The following USP24 variants were observed in gnomAD, a reference collection of about 807,000 sequenced individuals.
USP24 encodes the protein ubiquitin carboxyl-terminal hydrolase 24.
A neutral mutation model predicts 361.6 loss-of-function variants in USP24; 97 were observed. The ratio of observed to expected loss-of-function variants is 0.27; its 90% CI spans 0.23 to 0.32. The LOEUF (loss-of-function observed/expected upper bound fraction) is 0.32, where lower values mean the gene tolerates loss of function less well. Ranked by LOEUF, USP24 falls within the 10% of genes least tolerant of loss-of-function variation. The pLI, the probability that USP24 is intolerant of heterozygous loss-of-function variation, is 1.00. For synonymous variants in USP24, 1,098 were observed against 1,124.6 expected, an observed-to-expected ratio of 0.98 and a Z score of 0.47; for missense variants, 2,353 against 3,165.6, an observed-to-expected ratio of 0.74 and a Z score of 6.16.
chr1:55,196,411 G>A (rs894570920), intron 1 of USP24, among the ~76,000 whole-genome samples: 3 of 152,056 alleles, frequency 2.0e-5, no homozygotes, highest in Non-Finnish European at 2.9e-5. Context: ...TATCCCCCAC[G>A]AAATTAAATA....
At position 55,083,302 on chromosome 1, in the gene USP24, G is replaced by A; in HGVS notation, c.6945C>T (p.Phe2315=). 1.2e-6 allele frequency: 2 copies of A among 1,613,776 alleles called. No homozygotes were observed. Among genetic ancestry groups the A allele is most frequent in the Non-Finnish European group, 8.5e-7 (1 of 1,179,732 alleles). The stretch of plus-strand genomic sequence containing the variant: ...TGTTTTGCCGACTGGCCCCTAGGAG[G>A]AAGCTGATCATGTGCCGCAGAGCTG... The part of the protein sequence containing the change: ...RHSALRHMIS[F]LLGASRQNNQ... The change falls in exon 58 of 68, where the codon TTC becomes TTT. Residue 2315 remains phenylalanine, a synonymous_variant. Coordinates refer to ENST00000294383, the MANE Select transcript of USP24 (RefSeq NM_015306.3).
intron 39 of USP24, among the ~76,000 whole-genome samples, chr1:55,108,965 T>C (rs368920436): frequency 1.3e-5 from 2 of 152,226 alleles, no homozygotes; most frequent in Admixed American, 6.5e-5. Flanking sequence ...TTCCACTGCA[T>C]TGCTCAGAGC....
At position 55,083,169 on chromosome 1, in the gene USP24, C is replaced by G. The variant is rs539548389; in HGVS notation, c.6975+103G>C. On this transcript the variant is annotated intron_variant, in intron 58 of 67. Transcript: ENST00000294383. ...TTTTCAAGTCTCTATGGTACTACTA[C>G]TTAGACTTTTATGAAATTAAAAACA... 4 of 1,159,092 alleles carry G rather than the reference C, an allele frequency of 3.5e-6. No individual in the cohort carries two copies. The African/African-American group carries it at 6.2e-5, about 18-fold the overall frequency. 71.8% of individuals were successfully genotyped at this position (1,159,092 alleles called of 1,614,324 possible). A position where few individuals can be genotyped will look rare whatever the true frequency, so the allele number is the denominator to read the frequency against.
Position 55,137,543 on chromosome 1 carries a change from A to G in USP24, c.3173T>C (p.Val1058Ala). Reference sequence around the variant, plus strand: ...CTCCATGGCATATGAAGAACTAAAAACCCCACTGCTGCTGCTGCTGGAGCT... The same window carrying G: ...CTCCATGGCATATGAAGAACTAAAAGCCCCACTGCTGCTGCTGCTGGAGCT... ...STSSSSSSSG[V>A]FSSSYAMEQE... is the part of the protein sequence containing the mutation. The change falls in exon 28 of 68, where the codon GTT becomes GCT. Residue 1058 changes from valine to alanine, a missense_variant. Physicochemically the swap from Val to Ala is moderately conservative, Grantham distance 64 (BLOSUM62 0). Coordinates refer to ENST00000294383, the MANE Select transcript of USP24 (RefSeq NM_015306.3). 2 of 1,613,242 alleles carry G rather than the reference A, an allele frequency of 1.2e-6. No individual in the cohort carries two copies. The highest frequency in any genetic ancestry group is 1.7e-6 in the Non-Finnish European group (2 of 1,179,622).
chr1:55,082,823 C>CCAAA (rs1323694487), intron 58 of USP24, among the ~76,000 whole-genome samples: 1 of 152,062 alleles, frequency 6.6e-6, no homozygotes, highest in Non-Finnish European at 1.5e-5. Flanking sequence ...ACAAAAAAAC[C>CCAAA]CAAACAACTT....
chr1:55,129,659 G>A, intron 31 of USP24, 85 bp from the exon 32 acceptor site: 1 of 1,068,404 alleles, frequency 9.4e-7, no homozygotes, highest in South Asian at 1.4e-5. Flanking sequence ...CAGACAACTT[G>A]AGTTAGAATC....
intron 1 of USP24, among the ~76,000 whole-genome samples, chr1:55,187,115 A>C (rs897551208): frequency 2.6e-5 from 4 of 152,146 alleles, no homozygotes; most frequent in Admixed American, 2.0e-4. Context: ...AGTATACAAA[A>C]AAACAAACAA....
Position 55,159,657 on chromosome 1 carries a change from G to A in USP24, c.1022C>T (p.Thr341Ile). Residue 341 changes from threonine to isoleucine, a missense_variant, in exon 9 of 68, where the codon ACA becomes ATA. This residue lies in a region of USP24 where 386 missense variants were observed against 560.5 expected (regional missense o/e 0.69). Coordinates refer to ENST00000294383, the MANE Select transcript of USP24 (RefSeq NM_015306.3). ...QPMLDPVILT[T>I]IQDVRSVEEK... ...TTCTACACTCCGTACATCCTGGATTGTAGTAAGAATGACTGGGTCTAGCAT... is the reference window on the plus strand; with the variant it reads ...TTCTACACTCCGTACATCCTGGATTATAGTAAGAATGACTGGGTCTAGCAT... The A allele has an allele frequency of 1.9e-6, 3 of 1,561,994 alleles. No homozygotes were observed. Among genetic ancestry groups the A allele is most frequent in the South Asian group, 1.2e-5 (1 of 85,006 alleles).
In USP24 at chr1:55,083,879, G is replaced by C; in HGVS notation, c.6775C>G (p.Leu2259Val). 6.3e-7 allele frequency: 1 copy of C among 1,594,792 alleles called. No individual in the cohort carries two copies. The highest frequency in any genetic ancestry group is 8.5e-7 in the Non-Finnish European group (1 of 1,170,330). The change falls in exon 57 of 68, where the codon CTT (leucine) becomes GTT (valine). Residue 2259 changes from leucine to valine, a missense_variant. By Grantham distance (32) the Leu-to-Val change is conservative. Transcript: ENST00000294383. ...ALFYQDKLKSLHQLLEVLLAL... is the reference protein window; with the variant it reads ...ALFYQDKLKSVHQLLEVLLAL... ...AGTAGTACCTCCAGTAACTGATGAA[G>C]GCTTTTTAACTGGTTAGAGGAAAGA... is the stretch of plus-strand genomic sequence containing the variant.
Position 55,158,873 on chromosome 1 carries a change from CT to C in USP24, c.1227+4del. On this transcript the variant is annotated splice_donor_region_variant and intron_variant, in intron 10 of 67. Coordinates refer to ENST00000294383, the MANE Select transcript of USP24 (RefSeq NM_015306.3). Reference sequence around the variant, plus strand: ...AAGTCTTGTAGAAACAAATGAAAAACTTACTTCTTTGAGAGAATTCATCTTA... The same window carrying C: ...AAGTCTTGTAGAAACAAATGAAAAACTACTTCTTTGAGAGAATTCATCTTA... The C allele has an allele frequency of 1.3e-6, 2 of 1,497,054 alleles. No homozygotes were observed. The highest frequency in any genetic ancestry group is 1.8e-6 in the Non-Finnish European group (2 of 1,113,194). 92.7% of individuals were successfully genotyped at this position (1,497,054 alleles called of 1,614,324 possible). A position where few individuals can be genotyped will look rare whatever the true frequency, so the allele number is the denominator to read the frequency against.
intron 21 of USP24, 143 bp from the exon 22 acceptor site, chr1:55,143,262 AAAT>A (rs1348041771): frequency 1.6e-6 from 1 of 622,698 alleles, no homozygotes; most frequent in Non-Finnish European, 2.5e-6. Flanking sequence ...AGCTATATGA[AAAT>A]AATATTATAC....
At chr1:55,169,955 T>C (rs1044812932) in intron 5 of USP24, among the ~76,000 whole-genome samples, 1 of 152,114 alleles carries the variant, frequency 6.6e-6, no homozygotes, top group African/African-American at 2.4e-5. Context: ...TATGTACTGC[T>C]CAAGGAGGAG....
At chr1:55,124,252 T>C (rs140607242) in intron 35 of USP24, among the ~76,000 whole-genome samples, 3,871 of 152,312 alleles carry the variant, frequency 0.025, 116 homozygotes, top group Non-Finnish European at 0.03. Context: ...ACTTACTCTA[T>C]GTGTTTATAA....
intron 3 of USP24, among the ~76,000 whole-genome samples, chr1:55,175,378 C>G (rs1009461653): frequency 5.9e-5 from 9 of 151,940 alleles, no homozygotes; most frequent in African/African-American, 1.5e-4. Context: ...AGGTGCCCAC[C>G]ACCAGGCCCA....
intron 42 of USP24, among the ~76,000 whole-genome samples, chr1:55,102,405 A>G (rs1454087143): frequency 6.6e-6 from 1 of 152,218 alleles, no homozygotes; most frequent in East Asian, 1.9e-4. Flanking sequence ...AAAGTTCAAC[A>G]TGGCACTTCT....
intron 3 of USP24, among the ~76,000 whole-genome samples, chr1:55,176,165 A>G (rs1484925421): frequency 6.6e-6 from 1 of 152,228 alleles, no homozygotes; most frequent in Non-Finnish European, 1.5e-5. Flanking sequence ...TATTTAACCA[A>G]AGACACATAC....
At chr1:55,186,765 A>G (rs1644143533) in intron 1 of USP24, among the ~76,000 whole-genome samples, 1 of 152,138 alleles carries the variant, frequency 6.6e-6, no homozygotes, top group East Asian at 1.9e-4. Context: ...GGCTGGGTGC[A>G]GGGGGGAATA....
At chr1:55,127,468 T>G (rs1009027824) in intron 32 of USP24, among the ~76,000 whole-genome samples, 1 of 152,226 alleles carries the variant, frequency 6.6e-6, no homozygotes, top group Admixed American at 6.5e-5. Context: ...AGTCTATCAT[T>G]GTTGGACATT....
At position 55,106,159 on chromosome 1, in the gene USP24, C is replaced by T. The variant is rs1365756833; in HGVS notation, c.4867G>A (p.Asp1623Asn). The T allele has an allele frequency of 2.5e-6, 4 of 1,613,010 alleles. No homozygotes were observed. The African/African-American group carries it at 4.0e-5, about 16-fold the overall frequency. Residue 1623 changes from aspartate to asparagine, a missense_variant, in exon 41 of 68, where the codon GAC becomes AAC. This residue lies in a region of USP24 where 949 missense variants were observed against 1,280.5 expected (regional missense o/e 0.74). Transcript: ENST00000294383. ...CATTTTCCATACTTTGGATGAAAGT[C>T]CTGTTGACTGATGGCGGCACTGCCA... Reference protein sequence around the residue: ...PAGSAAISQQDFHPKCSTANS... With the variant: ...PAGSAAISQQNFHPKCSTANS...
Sources: allele counts gnomAD v4.1 joint callset (sites outside exome capture counted in the v4.1 genomes callset), GRCh38; gene constraint gnomAD v4.1.1; regional missense constraint gnomAD v4.1.1; transcripts MANE v1.5; gene names NCBI Gene and HGNC (gene_info 2026-07-23, HGNC 2026-07-21).